Variants in EYS observed in about 807,000 individuals in gnomAD.
EYS encodes EGF-like photoreceptor maintenance factor, also known as protein eyes shut homolog.
A neutral mutation model predicts 282.1 loss-of-function variants in EYS; 250 were observed. That is an observed-to-expected ratio of 0.89 (90% CI 0.80 to 0.98). The LOEUF is 0.98. Among genes scored for constraint, EYS ranks in the 50% least tolerant of loss-of-function variants. The pLI is 0.00. For missense variants in EYS, 4,016 were observed against 3,709.0 expected (o/e 1.08, Z -2.15); for synonymous variants, 1,355 against 1,282.9 (o/e 1.06, Z -1.20).
At chr6:65,492,332 GAAAC>G (rs3049751) in intron 4 of EYS, among the ~76,000 whole-genome samples, 3 of 149,808 alleles carry the variant, frequency 2.0e-5, no homozygotes, top group Admixed American at 1.3e-4. Flanking sequence ...AAGAAAGAAA[GAAAC>G]AAACAAACAA....
At chr6:64,893,959 C>T (rs1188708892) in intron 18 of EYS, among the ~76,000 whole-genome samples, 2 of 151,946 alleles carry the variant, frequency 1.3e-5, no homozygotes. Flanking sequence ...ATCCTCCATT[C>T]CTCTCTACCA....
At chr6:64,467,908 C>T (rs965172929) in intron 26 of EYS, among the ~76,000 whole-genome samples, 1 of 152,134 alleles carries the variant, frequency 6.6e-6, no homozygotes, top group Non-Finnish European at 1.5e-5. Context: ...CCTGTCCAGC[C>T]TGTTAATGAC....
At chr6:63,980,629 G>A (rs1444005412) in intron 35 of EYS, among the ~76,000 whole-genome samples, 1 of 151,862 alleles carries the variant, frequency 6.6e-6, no homozygotes, top group Non-Finnish European at 1.5e-5. Flanking sequence ...AATCCAGAAA[G>A]GCTGAATATT....
chr6:64,124,766 ACT>A (rs1399314476), intron 31 of EYS, among the ~76,000 whole-genome samples: 1 of 152,196 alleles, frequency 6.6e-6, no homozygotes. Flanking sequence ...TATAAATAAA[ACT>A]CTTCAAATAA....
chr6:63,887,351 G>A (rs1310490462), intron 35 of EYS, among the ~76,000 whole-genome samples: 2 of 130,008 alleles, frequency 1.5e-5, no homozygotes, highest in Non-Finnish European at 3.2e-5. Context: ...AAATAGAATG[G>A]AGGGATTCCC....
intron 12 of EYS, among the ~76,000 whole-genome samples, chr6:65,096,416 A>G (rs1324659953): frequency 6.6e-6 from 1 of 150,954 alleles, no homozygotes; most frequent in Non-Finnish European, 1.5e-5. Context: ...AATGTCCACA[A>G]TCACAAAGTG....
chr6:64,565,622 G>A (rs564730224), intron 26 of EYS, among the ~76,000 whole-genome samples: 5 of 152,112 alleles, frequency 3.3e-5, no homozygotes, highest in Admixed American at 3.3e-4. Flanking sequence ...GGGAAAATGG[G>A]GAGATGTTGG....
In EYS at chr6:64,201,677, A is replaced by G. The variant is rs558423245; in HGVS notation, c.6424+28915T>C. 2.6e-5 allele frequency among the ~76,000 whole-genome samples: 4 copies of G among 152,320 alleles called. No individual in the cohort carries two copies. The South Asian group carries it at 8.3e-4, about 32-fold the overall frequency. The stretch of plus-strand genomic sequence containing the variant: ...ATCTAAAAGATATGCTTCATGGAAC[A>G]AAAAATTGTGAAACTACAGAGAATC... On this transcript the variant is annotated intron_variant, in intron 31 of 42. Transcript: ENST00000503581.
rs3036008 is a variant in EYS, at chr6:65,119,630, C to CTTT, written c.2024-61906_2024-61904dup. ...TTTTAAAATTTCTTAGCCTTTTTATCTTTTTTTTTTTTTTGCCTAAATCAG... is the reference window on the plus strand; with the variant it reads ...TTTTAAAATTTCTTAGCCTTTTTATCTTTTTTTTTTTTTTTTTGCCTAAATCAG... On this transcript the variant is annotated intron_variant, in intron 12 of 42. Transcript: ENST00000503581. Among the ~76,000 whole-genome samples the CTTT allele has an allele frequency of 1.3e-3, 172 of 135,312 alleles. 3 individuals carry two copies. The highest frequency in any genetic ancestry group is 5.7e-3 in the South Asian group (25 of 4,386). The allele number at this position is 135,312 out of a possible 152,430, so 88.8% of individuals were successfully genotyped here.
At chr6:65,494,533 G>A (rs1766164010) in intron 4 of EYS, 130 bp downstream of exon 4, 8 of 778,896 alleles carry the variant, frequency 1.0e-5, no homozygotes, top group South Asian at 1.9e-5. Flanking sequence ...CACCCACCTC[G>A]GCCTCCCAAA....
At chr6:65,205,060 A>G (rs1172784313) in intron 12 of EYS, among the ~76,000 whole-genome samples, 2 of 142,776 alleles carry the variant, frequency 1.4e-5, no homozygotes, top group African/African-American at 5.1e-5. Flanking sequence ...GAATATATTT[A>G]TATATTCTAG....
intron 2 of EYS, among the ~76,000 whole-genome samples, chr6:65,592,290 G>C (rs912998034): frequency 6.6e-6 from 1 of 151,874 alleles, no homozygotes; most frequent in African/African-American, 2.4e-5. Context: ...AGTTAAGTTA[G>C]AAGTTGCCAA....
At chr6:63,934,661 A>G (rs1409093631) in intron 35 of EYS, among the ~76,000 whole-genome samples, 2 of 150,672 alleles carry the variant, frequency 1.3e-5, no homozygotes, top group Non-Finnish European at 3.0e-5. Flanking sequence ...AAAAAACCAA[A>G]CACTGCATGT....
chr6:64,189,780 G>T (rs1218283512), intron 31 of EYS, among the ~76,000 whole-genome samples: 1 of 152,006 alleles, frequency 6.6e-6, no homozygotes, highest in Admixed American at 6.6e-5. Context: ...TTTTAGACTT[G>T]CCAGCCCCCA....
At chr6:64,322,394 T>C (rs902439779) in intron 29 of EYS, among the ~76,000 whole-genome samples, 1 of 152,068 alleles carries the variant, frequency 6.6e-6, no homozygotes, top group Non-Finnish European at 1.5e-5. Context: ...CTGTTTCTGA[T>C]AACAGCACAG....
At chr6:64,300,259 C>G (rs966437135) in intron 30 of EYS, among the ~76,000 whole-genome samples, 4 of 152,118 alleles carry the variant, frequency 2.6e-5, no homozygotes, top group Non-Finnish European at 4.4e-5. Context: ...TCATGACACC[C>G]CAGGCCGACA....
At chr6:64,839,806 A>G (rs938798749) in intron 19 of EYS, among the ~76,000 whole-genome samples, 5 of 152,010 alleles carry the variant, frequency 3.3e-5, no homozygotes, top group Non-Finnish European at 7.4e-5. Context: ...AATAGAAGGG[A>G]TGGAAGGACA....
At chr6:65,618,397 G>T (rs1347552335) in intron 2 of EYS, among the ~76,000 whole-genome samples, 1 of 152,198 alleles carries the variant, frequency 6.6e-6, no homozygotes, top group Non-Finnish European at 1.5e-5. Flanking sequence ...TTTCGATGGG[G>T]CTGTTTGTTT....
rs527382545 is a variant in EYS, at chr6:64,465,597, C to G, written c.5645-26245G>C. Among the ~76,000 whole-genome samples, 3 of 152,032 alleles carry G rather than the reference C, an allele frequency of 2.0e-5. No individual in the cohort carries two copies. The South Asian group carries it at 6.2e-4, about 32-fold the overall frequency. On this transcript the variant is annotated intron_variant, in intron 26 of 42. Coordinates refer to ENST00000503581, the MANE Select transcript of EYS (RefSeq NM_001142800.2). ...ACATCACACCATGTAATTAAATAAACTGAAAAGATTAAACACTGAAATGTA... is the reference window on the plus strand; with the variant it reads ...ACATCACACCATGTAATTAAATAAAGTGAAAAGATTAAACACTGAAATGTA...
Sources: allele counts gnomAD v4.1 joint callset (sites outside exome capture counted in the v4.1 genomes callset), GRCh38; gene constraint gnomAD v4.1.1; transcripts MANE v1.5; gene names NCBI Gene and HGNC (gene_info 2026-07-23, HGNC 2026-07-21).